FN1: variants seen among roughly 807,000 people sequenced by gnomAD.
The protein encoded by FN1 is fibronectin 1, also known as fibronectin.
A neutral mutation model predicts 297.3 loss-of-function variants in FN1; 106 were observed. The ratio of observed to expected loss-of-function variants is 0.36; its 90% CI spans 0.30 to 0.42. The LOEUF (loss-of-function observed/expected upper bound fraction) is 0.42, where lower values mean the gene tolerates loss of function less well. Ranked by LOEUF, FN1 falls within the 10% of genes least tolerant of loss-of-function variation. The pLI is 1.00. For synonymous variants in FN1, 1,149 were observed against 1,152.6 expected, an observed-to-expected ratio of 1.00 and a Z score of 0.06; for missense variants, 2,690 against 3,124.9, an observed-to-expected ratio of 0.86 and a Z score of 3.32.
chr2:215,386,987 A>G, intron 27 of FN1, 29 bp from the exon 28 acceptor site: 1 of 1,433,594 alleles, frequency 7.0e-7, no homozygotes, highest in East Asian at 2.5e-5. Flanking sequence ...GGAGGAAGAG[A>G]AAAAAAAAAG....
Position 215,361,002 on chromosome 2 carries a change from A to T in FN1, c.*553T>A, listed in dbSNP as rs1183316594. ...CTGCATACTAAGTGTTTTCAATACAATTTTTTCCGTATAAAAATACTGGGA... is the reference window on the plus strand; with the variant it reads ...CTGCATACTAAGTGTTTTCAATACATTTTTTTCCGTATAAAAATACTGGGA... On this transcript the variant is annotated 3_prime_UTR_variant, in exon 46 of 46. Coordinates refer to ENST00000354785, the MANE Select transcript of FN1 (RefSeq NM_212482.4). 2.5e-5 allele frequency: 4 copies of T among 157,272 alleles called. No homozygotes were observed. The allele number at this position is 157,272 out of a possible 1,614,324, so 9.7% of individuals were successfully genotyped here.
intron 12 of FN1, among the ~76,000 whole-genome samples, chr2:215,416,639 C>T (rs9288508): frequency 0.91 from 137,799 of 152,214 alleles, 63,313 homozygotes; most frequent in East Asian, 1. Flanking sequence ...CTGATATACA[C>T]TTTATTTAGT....
rs183306852 is a variant in FN1, at chr2:215,380,547, C to T, written c.5434+264G>A. 209 of 510,484 alleles carry T rather than the reference C, an allele frequency of 4.1e-4. 1 individual carries two copies. The Middle Eastern group carries it at 5.4e-3, about 13-fold the overall frequency. 31.6% of individuals were successfully genotyped at this position (510,484 alleles called of 1,614,324 possible). A position where few individuals can be genotyped will look rare whatever the true frequency, so the allele number is the denominator to read the frequency against. On this transcript the variant is annotated intron_variant, in intron 33 of 45. Coordinates refer to ENST00000354785, the MANE Select transcript of FN1 (RefSeq NM_212482.4). ...GAGTCAGAGCTTAGGAAATAATCCA[C>T]AACTTTAGTATCCTCTTCAAATGTC...
In FN1 at chr2:215,380,872, G is replaced by C; in HGVS notation, c.5373C>G (p.Val1791=). Residue 1791 remains valine, a synonymous_variant, in exon 33 of 46, where the codon GTC becomes GTG. Coordinates refer to ENST00000354785, the MANE Select transcript of FN1 (RefSeq NM_212482.4). ...QGLRPGSEYT[V]SVVALHDDME... is the part of the protein sequence containing the mutation. The stretch of plus-strand genomic sequence containing the variant: ...TATCATCGTGCAAGGCAACCACACT[G>C]ACTGTGTACTCAGAACCCGGTCTGA... 1 of 1,614,092 alleles carries C rather than the reference G, an allele frequency of 6.2e-7. No individual in the cohort carries two copies. The highest frequency in any genetic ancestry group is 2.2e-5 in the East Asian group (1 of 44,874).
chr2:215,392,510 A>G, intron 25 of FN1: 1 of 238,562 alleles, frequency 4.2e-6, no homozygotes, highest in East Asian at 1.1e-4. Flanking sequence ...AAGAAGGAGC[A>G]TGGTAGAGTT....
intron 38 of FN1, 81 bp from the exon 39 acceptor site, chr2:215,373,492 C>T (rs1384244598): frequency 2.6e-6 from 3 of 1,140,602 alleles, no homozygotes; most frequent in Non-Finnish European, 2.7e-6. Context: ...GCAGACGCTA[C>T]TGGGAGCAGG....
In FN1 at chr2:215,376,524, G is replaced by T. The variant is rs2057319041; in HGVS notation, c.5861C>A (p.Pro1954Gln). The change falls in exon 36 of 46, where the codon CCA (proline) becomes CAA (glutamine). Residue 1954 changes from proline (P) to glutamine (Q), a missense_variant. Physicochemically the swap from Pro to Gln is moderately conservative, Grantham distance 76 (BLOSUM62 -1). Transcript: ENST00000354785. ...TGTGATGGTGTAGCTTCTGACATCT[G>T]GCTTGATGGTTCTCTGGATTGGAGT... ...GQTPIQRTIK[P>Q]DVRSYTITGL... 1.2e-6 allele frequency: 2 copies of T among 1,614,122 alleles called. No homozygotes were observed. Among genetic ancestry groups the T allele is most frequent in the East Asian group, 4.5e-5 (2 of 44,882 alleles).
chr2:215,385,045 T>C (rs565625370), intron 28 of FN1, 69 bp from the exon 29 acceptor site: 7 of 1,085,914 alleles, frequency 6.4e-6, no homozygotes, highest in Admixed American at 3.6e-5. Flanking sequence ...TGTTTGTTCA[T>C]TTTCCAGATA....
chr2:215,362,186 A>G, intron 44 of FN1, 107 bp from the exon 45 acceptor site: 2 of 767,398 alleles, frequency 2.6e-6, no homozygotes, highest in Non-Finnish European at 4.6e-6. Context: ...CACTGGCAAA[A>G]TATAAGCAGT....
rs560684799 is a variant in FN1, at chr2:215,383,589, T to G, written c.4895-106A>C. The stretch of plus-strand genomic sequence containing the variant: ...GTACATATTCGAATGATCGCTTACA[T>G]GAGAAAGGTATTTCTTCTCGAAAGA... On this transcript the variant is annotated intron_variant, in intron 30 of 45. Coordinates refer to ENST00000354785, the MANE Select transcript of FN1 (RefSeq NM_212482.4). 27 of 1,144,516 alleles carry G rather than the reference T, an allele frequency of 2.4e-5. No homozygotes were observed. The South Asian group carries it at 3.1e-4, about 13-fold the overall frequency. The allele number at this position is 1,144,516 out of a possible 1,614,324, so 70.9% of individuals were successfully genotyped here. A position where few individuals can be genotyped will look rare whatever the true frequency, so the allele number is the denominator to read the frequency against.
intron 20 of FN1, 90 bp from the exon 21 acceptor site, chr2:215,399,441 TCA>T (rs2060725025): frequency 2.3e-6 from 2 of 888,392 alleles, no homozygotes; most frequent in Non-Finnish European, 3.8e-6. Context: ...ATGGAGAACC[TCA>T]GTTTAACCAA....
At chr2:215,384,784 T>A in intron 29 of FN1, 76 bp downstream of exon 29, 2 of 1,035,704 alleles carry the variant, frequency 1.9e-6, no homozygotes, top group Non-Finnish European at 3.0e-6. Context: ...AATTCTTTGT[T>A]CACTGTTGGG....
intron 2 of FN1, among the ~76,000 whole-genome samples, chr2:215,434,101 A>AAAAAC (rs528774440): frequency 6.6e-6 from 1 of 152,202 alleles, no homozygotes; most frequent in Non-Finnish European, 1.5e-5. Flanking sequence ...ACTCTGTCTC[A>AAAAAC]AAAACAAAAC....
chr2:215,365,122 AAG>A, intron 43 of FN1, 137 bp from the exon 44 acceptor site: 1 of 722,410 alleles, frequency 1.4e-6, no homozygotes. Flanking sequence ...AATCATCCCT[AAG>A]AGCAGTACTG....
intron 40 of FN1, 108 bp from the exon 41 acceptor site, chr2:215,370,540 CAAAAAACAAAAAACA>C: frequency 3.0e-5 from 9 of 302,938 alleles, no homozygotes; most frequent in South Asian, 1.4e-4. Context: ...CAAAGGAAGA[CAAAAAACAAAAAACA>C]AAAAAAAAAA....
At position 215,372,257 on chromosome 2, in the gene FN1, T is replaced by C; in HGVS notation, c.6366A>G (p.Gly2122=). The change falls in exon 40 of 46, where the codon GGA becomes GGG. Residue 2122 remains glycine (G), a synonymous_variant. Transcript: ENST00000354785. ...AAGTGCCAGGAAGCTGAATACCATT[T>C]CCAGTGTCATACCCAGGGTGGGTGA... ...PFVTHPGYDT[G]NGIQLPGTSG... The C allele has an allele frequency of 8.1e-6, 13 of 1,614,224 alleles. No individual in the cohort carries two copies. The highest frequency in any genetic ancestry group is 1.0e-5 in the Non-Finnish European group (12 of 1,180,040).
In FN1 at chr2:215,372,008, T is replaced by A; in HGVS notation, c.6615A>T (p.Glu2205Asp). ...GLNPNASTGQ[E>D]ALSQTTISWA... is the part of the protein sequence containing the mutation. ...ATGAGATGGTTGTCTGAGAGAGAGC[T>A]TCTTGTCCTGTAGAGGCATTTGGAT... Residue 2205 changes from glutamate (E) to aspartate (D), a missense_variant, in exon 40 of 46, where the codon GAA becomes GAT. Physicochemically the swap from Glu to Asp is conservative, Grantham distance 45. Around this residue, in one of 3 missense-constraint regions of FN1, gnomAD observed 1,743 missense variants for 1,945.2 expected, o/e 0.90. Transcript: ENST00000354785. The A allele has an allele frequency of 1.2e-6, 2 of 1,614,220 alleles. No homozygotes were observed. The highest frequency in any genetic ancestry group is 1.7e-6 in the Non-Finnish European group (2 of 1,180,040).
intron 29 of FN1, 50 bp downstream of exon 29, chr2:215,384,810 C>T: frequency 7.8e-7 from 1 of 1,286,614 alleles, no homozygotes; most frequent in South Asian, 1.2e-5. Flanking sequence ...AGGTTATCCA[C>T]AACAGAATCT....
intron 4 of FN1, 95 bp downstream of exon 4, chr2:215,431,738 A>C: frequency 8.0e-7 from 1 of 1,244,824 alleles, no homozygotes; most frequent in Non-Finnish European, 1.2e-6. Flanking sequence ...TTTTCACTGG[A>C]ATTCAGGTCT....
Sources: allele counts gnomAD v4.1 joint callset (sites outside exome capture counted in the v4.1 genomes callset), GRCh38; gene constraint gnomAD v4.1.1; regional missense constraint gnomAD v4.1.1; transcripts MANE v1.5; gene names NCBI Gene and HGNC (gene_info 2026-07-23, HGNC 2026-07-21).